NEGR1: variants seen among roughly 807,000 people sequenced by gnomAD.
NEGR1 encodes the protein neuronal growth regulator 1, also known as IgLON family member 4.
NEGR1 carries 10 observed loss-of-function variants against 40.9 expected under a neutral mutation model. The observed-to-expected ratio is 0.24, with a 90% CI of 0.15 to 0.42. The LOEUF (loss-of-function observed/expected upper bound fraction) is 0.42, where lower values mean the gene tolerates loss of function less well. NEGR1 is among the 10% of genes least tolerant of loss of function. The pLI is 1.00. For missense variants in NEGR1, 352 were observed against 438.9 expected (o/e 0.80, Z 1.77); for synonymous variants, 185 against 166.8 (o/e 1.11, Z -0.84).
intron 1 of NEGR1, among the ~76,000 whole-genome samples, chr1:72,047,265 C>T (rs919608029): frequency 1.3e-5 from 2 of 151,026 alleles, no homozygotes; most frequent in Admixed American, 1.3e-4. Flanking sequence ...AAGTTAAATC[C>T]CTAGAAAACC....
At chr1:72,091,157 C>T (rs1648474628) in intron 1 of NEGR1, among the ~76,000 whole-genome samples, 1 of 152,112 alleles carries the variant, frequency 6.6e-6, no homozygotes, top group South Asian at 2.1e-4. Context: ...TGGGGATGAG[C>T]ATGAAGCTAC....
At chr1:72,120,647 C>G (rs917561591) in intron 1 of NEGR1, among the ~76,000 whole-genome samples, 1 of 152,064 alleles carries the variant, frequency 6.6e-6, no homozygotes. Flanking sequence ...TCTCCCAATG[C>G]TATCCCTCCC....
At chr1:71,577,524 A>G (rs1228754311) in intron 6 of NEGR1, among the ~76,000 whole-genome samples, 2 of 152,214 alleles carry the variant, frequency 1.3e-5, no homozygotes, top group Non-Finnish European at 2.9e-5. Flanking sequence ...TACAATCAAT[A>G]CACATAGTAG....
Position 71,698,024 on chromosome 1 carries a change from T to G in NEGR1, c.651A>C (p.Val217=). ...GACACTTACAGTTGACAACAACTTT[T>G]ACTTTCCTCACATCTGGGAATGACA... ...NDVSFPDVRK[V]KVVVNFAPTI... The change falls in exon 4 of 7, where the codon GTA becomes GTC. Residue 217 remains valine, a synonymous_variant. Coordinates refer to ENST00000357731, the MANE Select transcript of NEGR1 (RefSeq NM_173808.3). 6.2e-7 allele frequency: 1 copy of G among 1,611,376 alleles called. No homozygotes were observed. Among genetic ancestry groups the G allele is most frequent in the Non-Finnish European group, 8.5e-7 (1 of 1,178,164 alleles).
At chr1:72,036,456 G>C (rs1355123594) in intron 1 of NEGR1, among the ~76,000 whole-genome samples, 1 of 151,982 alleles carries the variant, frequency 6.6e-6, no homozygotes, top group East Asian at 1.9e-4. Context: ...AGGAGTTCGA[G>C]ACCAGCCAGG....
chr1:72,175,501 G>A (rs72941229), intron 1 of NEGR1, among the ~76,000 whole-genome samples: 5,270 of 151,800 alleles, frequency 0.035, 315 homozygotes, highest in African/African-American at 0.12. Flanking sequence ...CAAAATGTTC[G>A]CCCTTCCTCT....
intron 6 of NEGR1, among the ~76,000 whole-genome samples, chr1:71,567,668 C>T (rs930433671): frequency 1.4e-4 from 22 of 152,002 alleles, no homozygotes; most frequent in Admixed American, 1.4e-3. Context: ...CTGTATTGTT[C>T]AGCTCACAAT....
At chr1:72,003,317 C>T (rs12093222) in intron 1 of NEGR1, among the ~76,000 whole-genome samples, 3,954 of 151,498 alleles carry the variant, frequency 0.026, 151 homozygotes, top group African/African-American at 0.091. Flanking sequence ...ATTTTTGTAC[C>T]TAAGCTCAAG....
chr1:71,682,271 G>T (rs1652864676), intron 4 of NEGR1, among the ~76,000 whole-genome samples: 1 of 151,830 alleles, frequency 6.6e-6, no homozygotes, highest in Admixed American at 6.6e-5. Context: ...GTTCTATGGA[G>T]TGGAATTTTC....
At chr1:71,815,840 T>C (rs1224327355) in intron 2 of NEGR1, among the ~76,000 whole-genome samples, 1 of 152,072 alleles carries the variant, frequency 6.6e-6, no homozygotes, top group Non-Finnish European at 1.5e-5. Context: ...TTACTTATAA[T>C]TTTCCCTATC....
intron 6 of NEGR1, among the ~76,000 whole-genome samples, chr1:71,511,517 G>A (rs754521407): frequency 6.6e-6 from 1 of 152,136 alleles, no homozygotes; most frequent in Non-Finnish European, 1.5e-5. Context: ...GTGCATCAGA[G>A]GCTCAACTGA....
rs1336224894 is a variant in NEGR1 at position 72,120,183 on chromosome 1, T to C, written c.176+162136A>G. ...GGGAAATGTGAGAATTTGAAAAATT[T>C]TTCATAAATATGTGATGGTAAAAAG... On this transcript the variant is annotated intron_variant, in intron 1 of 6. Transcript: ENST00000357731. 2.6e-5 allele frequency among the ~76,000 whole-genome samples: 4 copies of C among 152,102 alleles called. No homozygotes were observed. The South Asian group carries it at 6.2e-4, about 24-fold the overall frequency.
chr1:71,997,183 G>A (rs1646511726), intron 1 of NEGR1, among the ~76,000 whole-genome samples: 1 of 152,006 alleles, frequency 6.6e-6, no homozygotes. Context: ...TAAAATCGAA[G>A]TTCTCATTTT....
intron 2 of NEGR1, among the ~76,000 whole-genome samples, chr1:71,819,180 T>G (rs978008252): frequency 6.6e-6 from 1 of 152,014 alleles, no homozygotes; most frequent in African/African-American, 2.4e-5. Flanking sequence ...GATAGAATTC[T>G]GCCCAGCAAC....
chr1:72,167,746 TA>T (rs1378908010), intron 1 of NEGR1, among the ~76,000 whole-genome samples: 1 of 152,024 alleles, frequency 6.6e-6, no homozygotes, highest in Non-Finnish European at 1.5e-5. Flanking sequence ...TTTGTGAAAC[TA>T]AATTTAGACA....
intron 3 of NEGR1, among the ~76,000 whole-genome samples, chr1:71,772,866 G>A (rs1467808632): frequency 6.6e-6 from 1 of 151,722 alleles, no homozygotes; most frequent in Non-Finnish European, 1.5e-5. Flanking sequence ...AATCTAACTG[G>A]GTAAAGCATA....
chr1:71,901,622 T>G (rs1661144672), intron 2 of NEGR1, among the ~76,000 whole-genome samples: 1 of 151,830 alleles, frequency 6.6e-6, no homozygotes, highest in Admixed American at 6.6e-5. Context: ...GTGATACTGA[T>G]GAGCTTTTTT....
chr1:71,528,716 G>A (rs1018600493), intron 6 of NEGR1, among the ~76,000 whole-genome samples: 1 of 151,134 alleles, frequency 6.6e-6, no homozygotes, highest in African/African-American at 2.4e-5. Flanking sequence ...TGTTGAAAAT[G>A]AGGCAAACAT....
intron 1 of NEGR1, among the ~76,000 whole-genome samples, chr1:72,241,987 C>T (rs1025812445): frequency 1.3e-5 from 2 of 151,456 alleles, no homozygotes; most frequent in Non-Finnish European, 3.0e-5. Flanking sequence ...CAGTTTGAAA[C>T]CTGTATCTGC....
Sources: allele counts gnomAD v4.1 joint callset (sites outside exome capture counted in the v4.1 genomes callset), GRCh38; gene constraint gnomAD v4.1.1; transcripts MANE v1.5; gene names NCBI Gene and HGNC (gene_info 2026-07-23, HGNC 2026-07-21).